NEGR1: variants seen among roughly 807,000 people sequenced by gnomAD.
NEGR1 encodes the protein IgLON family member 4.
A neutral mutation model predicts 40.9 loss-of-function variants in NEGR1; 10 were observed. That is an observed-to-expected ratio of 0.24 (90% CI 0.15 to 0.42). NEGR1 has a LOEUF of 0.42. Among genes scored for constraint, NEGR1 ranks in the 10% least tolerant of loss-of-function variants. The probability of loss-of-function intolerance (pLI) is 1.00; values close to 1 mark genes in which losing one functional copy is unlikely to be tolerated. For synonymous variants in NEGR1, 185 were observed against 166.8 expected (o/e 1.11, Z -0.84); for missense variants, 352 against 438.9 (o/e 0.80, Z 1.77).
At chr1:71,537,841 C>T (rs1413099781) in intron 6 of NEGR1, among the ~76,000 whole-genome samples, 2 of 151,632 alleles carry the variant, frequency 1.3e-5, no homozygotes, top group East Asian at 3.9e-4. Flanking sequence ...AACTTGTAAG[C>T]AGTGAAATAT....
intron 1 of NEGR1, among the ~76,000 whole-genome samples, chr1:72,015,481 T>C (rs1384145582): frequency 6.6e-6 from 1 of 152,072 alleles, no homozygotes; most frequent in Non-Finnish European, 1.5e-5. Context: ...CTTTCCTCTT[T>C]AGGTTTTTAC....
chr1:72,021,315 A>T (rs1471266722), intron 1 of NEGR1, among the ~76,000 whole-genome samples: 1 of 152,154 alleles, frequency 6.6e-6, no homozygotes, highest in Non-Finnish European at 1.5e-5. Flanking sequence ...ATATTATATC[A>T]TAACAGAGAC....
At chr1:71,499,035 C>T (rs1052626150) in intron 6 of NEGR1, among the ~76,000 whole-genome samples, 1 of 152,120 alleles carries the variant, frequency 6.6e-6, no homozygotes, top group Non-Finnish European at 1.5e-5. Context: ...CATACAAATA[C>T]CTTGACAAAA....
At chr1:71,597,438 C>A (rs1173966375) in intron 5 of NEGR1, among the ~76,000 whole-genome samples, 3 of 21,788 alleles carry the variant, frequency 1.4e-4, no homozygotes, top group African/African-American at 2.4e-4. Flanking sequence ...ATATGTCTCT[C>A]TCTCTCTCTC....
At position 71,397,963 on chromosome 1, in the gene NEGR1, G is replaced by C. The variant is rs2101244144; in HGVS notation, c.*9483C>G. On this transcript the variant is annotated 3_prime_UTR_variant, in exon 7 of 7. Transcript: ENST00000357731. ...CCCAGGATGATTTAAATGAAGCCAA[G>C]GTACAGCTTGGGCTGTTGCTTCAGA... The C allele has an allele frequency of 6.6e-6, 1 of 152,402 alleles. No individual in the cohort carries two copies. The highest frequency in any genetic ancestry group is 2.1e-4 in the South Asian group (1 of 4,834). The allele number at this position is 152,402 out of a possible 1,614,324, so 9.4% of individuals were successfully genotyped here. A position where few individuals can be genotyped will look rare whatever the true frequency, so the allele number is the denominator to read the frequency against.
intron 5 of NEGR1, among the ~76,000 whole-genome samples, chr1:71,593,453 C>T (rs61765010): frequency 2.4e-3 from 371 of 152,204 alleles, no homozygotes; most frequent in Non-Finnish European, 4.0e-3. Flanking sequence ...AGTTCTGAGT[C>T]CAGAGTCAAC....
intron 1 of NEGR1, among the ~76,000 whole-genome samples, chr1:72,210,912 T>C (rs991105521): frequency 2.0e-5 from 3 of 151,870 alleles, no homozygotes; most frequent in African/African-American, 7.2e-5. Flanking sequence ...TTGTCAAGTT[T>C]TGGTGTAGTA....
intron 6 of NEGR1, among the ~76,000 whole-genome samples, chr1:71,465,180 T>A (rs1236489594): frequency 6.6e-6 from 1 of 152,110 alleles, no homozygotes; most frequent in Admixed American, 6.6e-5. Flanking sequence ...CAATTAAAAA[T>A]TAGAGTTTCA....
At chr1:72,142,516 C>A in intron 1 of NEGR1, among the ~76,000 whole-genome samples, 1 of 134,824 alleles carries the variant, frequency 7.4e-6, no homozygotes, top group East Asian at 2.3e-4. Flanking sequence ...AATCTGATAC[C>A]TAGATAGATG....
At chr1:71,523,943 T>G (rs1647184582) in intron 6 of NEGR1, among the ~76,000 whole-genome samples, 1 of 151,830 alleles carries the variant, frequency 6.6e-6, no homozygotes, top group African/African-American at 2.4e-5. Flanking sequence ...AGGGCTCATA[T>G]TCTAAGTAAT....
At chr1:72,168,783 C>T (rs1651859347) in intron 1 of NEGR1, among the ~76,000 whole-genome samples, 1 of 152,044 alleles carries the variant, frequency 6.6e-6, no homozygotes, top group Non-Finnish European at 1.5e-5. Flanking sequence ...GCCTGTAGTC[C>T]TAGCTACTCA....
At chr1:71,978,556 A>C (rs1366049453) in intron 1 of NEGR1, among the ~76,000 whole-genome samples, 3 of 152,188 alleles carry the variant, frequency 2.0e-5, no homozygotes, top group Admixed American at 6.6e-5. Context: ...GGACATAAAC[A>C]GACACTTTTC....
At chr1:72,014,005 CTAGT>C (rs1272812137) in intron 1 of NEGR1, among the ~76,000 whole-genome samples, 7 of 127,460 alleles carry the variant, frequency 5.5e-5, no homozygotes. Flanking sequence ...TGGGGGAGAA[CTAGT>C]TAATTAATCT....
chr1:71,445,928 A>G (rs997459308), intron 6 of NEGR1, among the ~76,000 whole-genome samples: 1 of 152,232 alleles, frequency 6.6e-6, no homozygotes, highest in Non-Finnish European at 1.5e-5. Flanking sequence ...TTACAAAAAG[A>G]AAGATGAAGA....
rs1652659379 is a variant in NEGR1, at chr1:72,187,623, T to C, written c.176+94696A>G. 2.0e-5 allele frequency among the ~76,000 whole-genome samples: 3 copies of C among 150,444 alleles called. No individual in the cohort carries two copies. The South Asian group carries it at 6.2e-4, about 31-fold the overall frequency. On this transcript the variant is annotated intron_variant, in intron 1 of 6. Transcript: ENST00000357731. ...CAAACTACTCTAAACCTTAAAAATATTTCTTTCTAAACATGCCATGTTGAA... is the reference window on the plus strand; with the variant it reads ...CAAACTACTCTAAACCTTAAAAATACTTCTTTCTAAACATGCCATGTTGAA...
At chr1:71,880,214 A>C (rs549121342) in intron 2 of NEGR1, among the ~76,000 whole-genome samples, 1 of 152,066 alleles carries the variant, frequency 6.6e-6, no homozygotes, top group Non-Finnish European at 1.5e-5. Context: ...AATAAAAAAT[A>C]ACAATTTTAT....
rs977112348 is a variant in NEGR1 at position 71,556,761 on chromosome 1, C to T, written c.940+36056G>A. On this transcript the variant is annotated intron_variant, in intron 6 of 6. Transcript: ENST00000357731. ...GGGAGATTTATACTCCCAAAATAAA[C>T]CGTGGCTGGGAGAGGGGTCGATATA... Among the ~76,000 whole-genome samples the T allele has an allele frequency of 2.6e-5, 4 of 151,216 alleles. No individual in the cohort carries two copies. The East Asian group carries it at 5.9e-4, about 22-fold the overall frequency.
intron 6 of NEGR1, among the ~76,000 whole-genome samples, chr1:71,454,425 A>G (rs1043942797): frequency 2.0e-5 from 3 of 152,078 alleles, no homozygotes; most frequent in Admixed American, 6.6e-5. Flanking sequence ...TTATCAAAGC[A>G]ATTACCTCTA....
chr1:71,723,618 G>A (rs542530272), intron 3 of NEGR1, among the ~76,000 whole-genome samples: 1 of 152,076 alleles, frequency 6.6e-6, no homozygotes, highest in Admixed American at 6.6e-5. Flanking sequence ...TCTGTGCTTG[G>A]AAGGCTTTCA....
Sources: allele counts gnomAD v4.1 joint callset (sites outside exome capture counted in the v4.1 genomes callset), GRCh38; gene constraint gnomAD v4.1.1; transcripts MANE v1.5; gene names NCBI Gene and HGNC (gene_info 2026-07-23, HGNC 2026-07-21).